Variants in LHPP observed in about 807,000 individuals in gnomAD.
LHPP encodes phospholysine phosphohistidine inorganic pyrophosphate phosphatase.
A neutral mutation model predicts 30.3 loss-of-function variants in LHPP; 24 were observed. The ratio of observed to expected loss-of-function variants is 0.79; its 90% CI spans 0.57 to 1.11. The LOEUF (loss-of-function observed/expected upper bound fraction) is 1.11. LHPP is among the 50% of genes most tolerant of loss of function. The pLI is 0.00. For synonymous variants in LHPP, 150 were observed against 157.1 expected, an observed-to-expected ratio of 0.95 and a Z score of 0.34; for missense variants, 356 against 367.2, an observed-to-expected ratio of 0.97 and a Z score of 0.25.
At chr10:124,595,186 G>A (rs1948927810) in intron 6 of LHPP, among the ~76,000 whole-genome samples, 1 of 152,192 alleles carries the variant, frequency 6.6e-6, no homozygotes, top group South Asian at 2.1e-4. Context: ...TGGGGGTTCT[G>A]GGCAGGGTTG....
At chr10:124,501,244 C>T (rs973298818) in intron 5 of LHPP, among the ~76,000 whole-genome samples, 2 of 151,730 alleles carry the variant, frequency 1.3e-5, no homozygotes, top group Admixed American at 1.3e-4. Flanking sequence ...TGGCAGGGGT[C>T]GGGTGCAGGG....
At chr10:124,542,811 G>A (rs1040294141) in intron 6 of LHPP, among the ~76,000 whole-genome samples, 5 of 152,168 alleles carry the variant, frequency 3.3e-5, no homozygotes, top group Admixed American at 2.0e-4. Context: ...CTCCCCTCAC[G>A]TTCATGGGGT....
chr10:124,532,356 G>A (rs901602214), intron 6 of LHPP, among the ~76,000 whole-genome samples: 2 of 152,236 alleles, frequency 1.3e-5, no homozygotes, highest in African/African-American at 4.8e-5. Flanking sequence ...GGAAAGATGC[G>A]CATGGTATGC....
intron 6 of LHPP, among the ~76,000 whole-genome samples, chr10:124,551,266 C>T (rs1948159783): frequency 6.6e-6 from 1 of 152,192 alleles, no homozygotes; most frequent in Non-Finnish European, 1.5e-5. Context: ...CCGATCCCAT[C>T]CCGCTGGGGC....
At chr10:124,511,560 C>T (rs1954296839) in intron 5 of LHPP, among the ~76,000 whole-genome samples, 1 of 152,194 alleles carries the variant, frequency 6.6e-6, no homozygotes. Context: ...GCCACCTCCT[C>T]CGAGCTCTCT....
intron 6 of LHPP, among the ~76,000 whole-genome samples, chr10:124,582,546 G>T (rs1948755981): frequency 6.7e-6 from 1 of 149,376 alleles, no homozygotes; most frequent in African/African-American, 2.5e-5. Flanking sequence ...CTATGCAGTA[G>T]AAAATCTGTA....
chr10:124,474,223 T>C (rs182954072), intron 1 of LHPP, among the ~76,000 whole-genome samples: 41 of 139,108 alleles, frequency 2.9e-4, no homozygotes, highest in African/African-American at 1.1e-3. Flanking sequence ...CACTGCAGCC[T>C]CGACCTCCTG....
intron 6 of LHPP, among the ~76,000 whole-genome samples, chr10:124,572,706 G>A (rs984643096): frequency 6.7e-6 from 1 of 149,834 alleles, no homozygotes; most frequent in Non-Finnish European, 1.5e-5. Context: ...AGGAAGGGAG[G>A]GAGGGAGAAA....
intron 6 of LHPP, among the ~76,000 whole-genome samples, chr10:124,571,104 C>T (rs1461181792): frequency 2.6e-5 from 4 of 152,238 alleles, no homozygotes; most frequent in Admixed American, 1.3e-4. Context: ...ATGCCTTTCA[C>T]CTTCTGCCGT....
chr10:124,505,208 T>C (rs1954030604), intron 5 of LHPP, among the ~76,000 whole-genome samples: 1 of 152,186 alleles, frequency 6.6e-6, no homozygotes. Context: ...TCAGGATGTG[T>C]AGACATTTTA....
chr10:124,510,532 C>T lies in LHPP; in HGVS notation c.625-6648C>T, dbSNP rs77095042. 0.061 allele frequency among the ~76,000 whole-genome samples: 9,243 copies of T among 152,294 alleles called. 418 individuals carry two copies. Among genetic ancestry groups the T allele is most frequent in the East Asian group, 0.19 (981 of 5,164 alleles). On this transcript the variant is annotated intron_variant, in intron 5 of 6. Transcript: ENST00000368842. This position sits in a 1 kb window ranked among gnomAD's most constrained non-coding sequence, Gnocchi z 4.0. ...TGAGAACTCTTCCTCCAAGAGACCA[C>T]GTTCCTCTGGTCCTGTCTCCGTGGG...
Position 124,520,628 on chromosome 10 carries a change from A to G in LHPP, c.716+3357A>G, listed in dbSNP as rs114118819. On this transcript the variant is annotated intron_variant, in intron 6 of 6. Transcript: ENST00000368842. ...TTAACATGCAGGACAAAGGGAGAAG[A>G]GTGTTAGCTTGGCTAAGGTAGGGAC... Among the ~76,000 whole-genome samples the G allele has an allele frequency of 2.5e-3, 384 of 152,326 alleles. 4 individuals are homozygous for G. The highest frequency in any genetic ancestry group is 8.9e-3 in the African/African-American group (371 of 41,570).
chr10:124,568,763 G>T (rs569579253), intron 6 of LHPP, among the ~76,000 whole-genome samples: 49 of 152,304 alleles, frequency 3.2e-4, no homozygotes, highest in Admixed American at 2.0e-3. Flanking sequence ...GAGGAGGCCA[G>T]CTTTGGAGTG....
At chr10:124,582,071 C>T (rs567745829) in intron 6 of LHPP, among the ~76,000 whole-genome samples, 13 of 150,462 alleles carry the variant, frequency 8.6e-5, no homozygotes, top group African/African-American at 1.5e-4. Context: ...TGTGAGCCAC[C>T]GCACCTGGCC....
intron 6 of LHPP, chr10:124,605,113 T>C (rs376926257): frequency 2.6e-5 from 4 of 152,448 alleles, no homozygotes; most frequent in African/African-American, 4.8e-5. Context: ...TTTCCTTCGA[T>C]TGGTACAAAG....
At chr10:124,536,679 G>A (rs148584212) in intron 6 of LHPP, among the ~76,000 whole-genome samples, 1,872 of 152,308 alleles carry the variant, frequency 0.012, 21 homozygotes, top group Non-Finnish European at 0.016. Context: ...GAGGGGAGGG[G>A]TACCTGGTGC....
intron 6 of LHPP, among the ~76,000 whole-genome samples, chr10:124,565,105 G>A (rs1237608855): frequency 1.3e-5 from 2 of 152,230 alleles, no homozygotes; most frequent in East Asian, 3.9e-4. Context: ...TTGCAAACAC[G>A]ACGCCCGGCA....
intron 6 of LHPP, among the ~76,000 whole-genome samples, chr10:124,551,540 G>T (rs979066339): frequency 1.6e-4 from 24 of 152,284 alleles, no homozygotes; most frequent in Admixed American, 1.4e-3. Flanking sequence ...AGGCTGGTGC[G>T]TGGGGAGGTA....
intron 6 of LHPP, among the ~76,000 whole-genome samples, chr10:124,548,983 A>T (rs1480013717): frequency 6.6e-6 from 1 of 152,234 alleles, no homozygotes; most frequent in Non-Finnish European, 1.5e-5. Context: ...CTGTAGAATA[A>T]ATACATGCAT....
Sources: allele counts gnomAD v4.1 joint callset (sites outside exome capture counted in the v4.1 genomes callset), GRCh38; gene constraint gnomAD v4.1.1; non-coding constraint Gnocchi (gnomAD v3.1); transcripts MANE v1.5; gene names NCBI Gene and HGNC (gene_info 2026-07-23, HGNC 2026-07-21).